Variants in TEAD4 observed in about 807,000 individuals in gnomAD.
TEAD4 encodes the protein transcriptional enhancer factor TEF-3.
Under a neutral mutation model 52.4 loss-of-function variants are expected in TEAD4, and 36 were observed. The ratio of observed to expected loss-of-function variants is 0.69; its 90% confidence interval spans 0.53 to 0.91. TEAD4 has a LOEUF of 0.91. Among genes scored for constraint, TEAD4 ranks in the 40% least tolerant of loss-of-function variants. The pLI, the probability that TEAD4 is intolerant of heterozygous loss-of-function variation, is 0.00. For missense variants in TEAD4, 508 were observed against 583.9 expected (o/e 0.87, Z 1.34); for synonymous variants, 220 against 231.0 (o/e 0.95, Z 0.43).
chr12:2,975,356 CATTATTATT>C (rs58872768), intron 2 of TEAD4, among the ~76,000 whole-genome samples: 3,085 of 148,098 alleles, frequency 0.021, 124 homozygotes, highest in Admixed American at 0.097. Flanking sequence ...AATATCGGCA[CATTATTATT>C]ATTATTATTA....
chr12:2,973,655 A>G (rs1704494824), intron 2 of TEAD4, among the ~76,000 whole-genome samples: 1 of 152,320 alleles, frequency 6.6e-6, no homozygotes, highest in East Asian at 1.9e-4. Flanking sequence ...ATGGTTCAGA[A>G]TGAGAGGCAC....
At chr12:2,976,197 C>T (rs1348530850) in intron 2 of TEAD4, among the ~76,000 whole-genome samples, 2 of 151,900 alleles carry the variant, frequency 1.3e-5, no homozygotes, top group Non-Finnish European at 2.9e-5. Flanking sequence ...GTAGACACAC[C>T]ATTTTGTGTT....
chr12:2,998,947 G>T (rs1329627015), intron 3 of TEAD4, among the ~76,000 whole-genome samples: 1 of 152,264 alleles, frequency 6.6e-6, no homozygotes, highest in Non-Finnish European at 1.5e-5. Flanking sequence ...AGGTTCTGCT[G>T]GGATCCAGAC....
chr12:2,978,587 T>C (rs2098231697), intron 2 of TEAD4, among the ~76,000 whole-genome samples: 1 of 152,092 alleles, frequency 6.6e-6, no homozygotes, highest in African/African-American at 2.4e-5. Flanking sequence ...TATTTTTTAG[T>C]AGAGACAGGT....
rs1329703108 is a variant in TEAD4 at position 2,985,346 on chromosome 12, C to T, written c.-29-9392C>T. Among the ~76,000 whole-genome samples, 4 of 151,632 alleles carry T rather than the reference C, an allele frequency of 2.6e-5. No homozygotes were observed. The East Asian group carries it at 7.9e-4, about 30-fold the overall frequency. On this transcript the variant is annotated intron_variant, in intron 2 of 12. Transcript: ENST00000359864. ...CTTGCAGTGAGCCGAGATTGCGCCA[C>T]TGTACTCCAGCCTGGGTGACAGAGC...
At chr12:2,999,685 C>T (rs542347838) in intron 3 of TEAD4, among the ~76,000 whole-genome samples, 10 of 152,308 alleles carry the variant, frequency 6.6e-5, no homozygotes, top group South Asian at 6.2e-4. Flanking sequence ...GACCCTCCCC[C>T]TGGCACAGCC....
chr12:2,973,648 G>C (rs969296189), intron 2 of TEAD4, among the ~76,000 whole-genome samples: 3 of 152,200 alleles, frequency 2.0e-5, no homozygotes, highest in African/African-American at 7.2e-5. Flanking sequence ...GTAGAGCATG[G>C]TTCAGAATGA....
chr12:3,012,114 C>T, intron 4 of TEAD4, 56 bp from the exon 5 acceptor site: 1 of 1,589,716 alleles, frequency 6.3e-7, no homozygotes, highest in Non-Finnish European at 8.6e-7. Context: ...GGAAGCCAGG[C>T]TGGGGAACAC....
At chr12:2,981,348 G>C (rs1158668643) in intron 2 of TEAD4, among the ~76,000 whole-genome samples, 1 of 152,234 alleles carries the variant, frequency 6.6e-6, no homozygotes, top group Non-Finnish European at 1.5e-5. Context: ...TTGTCTTCCA[G>C]CTCCTGAGTT....
intron 2 of TEAD4, among the ~76,000 whole-genome samples, chr12:2,981,374 C>T (rs755018293): frequency 7.9e-5 from 12 of 152,210 alleles, no homozygotes; most frequent in Non-Finnish European, 7.3e-5. Flanking sequence ...GCTTAGTTAG[C>T]GTGGAAGACA....
At chr12:2,962,344 A>ATTT (rs199615383) in intron 2 of TEAD4, among the ~76,000 whole-genome samples, 14,256 of 117,978 alleles carry the variant, frequency 0.12, 961 homozygotes, top group South Asian at 0.25. Flanking sequence ...ATATATATAT[A>ATTT]TATTTTTTGA....
intron 2 of TEAD4, among the ~76,000 whole-genome samples, chr12:2,972,280 C>A (rs1383082988): frequency 6.6e-6 from 1 of 152,022 alleles, no homozygotes; most frequent in Admixed American, 6.6e-5. Context: ...TAGGATCTCA[C>A]TGTGTTGCCC....
At chr12:3,020,821 C>T (rs1239709487) in intron 9 of TEAD4, 48 bp downstream of exon 9, 2 of 1,492,742 alleles carry the variant, frequency 1.3e-6, no homozygotes, top group African/African-American at 1.4e-5. Context: ...CCCCCTCTCC[C>T]TCTGTTTCTG....
At chr12:2,965,002 T>G (rs2098219104) in intron 2 of TEAD4, among the ~76,000 whole-genome samples, 1 of 151,812 alleles carries the variant, frequency 6.6e-6, no homozygotes, top group Non-Finnish European at 1.5e-5. Context: ...GGTGTAGGAG[T>G]GACCCCAGAA....
chr12:2,993,646 A>T (rs753444397), intron 2 of TEAD4, among the ~76,000 whole-genome samples: 18 of 150,646 alleles, frequency 1.2e-4, no homozygotes, highest in Middle Eastern at 6.9e-3. Flanking sequence ...AATTTTTTTT[A>T]AATTAATTTT....
At chr12:3,032,894 C>T (rs1198809703) in intron 10 of TEAD4, among the ~76,000 whole-genome samples, 1 of 152,216 alleles carries the variant, frequency 6.6e-6, no homozygotes, top group African/African-American at 2.4e-5. Flanking sequence ...TTGCGTCAAT[C>T]GTGGGTCCTC....
intron 2 of TEAD4, among the ~76,000 whole-genome samples, chr12:2,963,002 G>A (rs752795989): frequency 2.4e-4 from 36 of 152,198 alleles, no homozygotes; most frequent in Admixed American, 6.5e-5. Context: ...TTGTCGCTCA[G>A]ATAAGGTTGG....
chr12:3,035,443 C>T (rs941719824), intron 10 of TEAD4, among the ~76,000 whole-genome samples: 1 of 152,202 alleles, frequency 6.6e-6, no homozygotes, highest in Non-Finnish European at 1.5e-5. Flanking sequence ...CAGAATATGT[C>T]CTGAGCACAC....
chr12:3,037,001 G>T lies in TEAD4; in HGVS notation c.898-967G>T, dbSNP rs554407479. Among the ~76,000 whole-genome samples, 5 of 152,286 alleles carry T rather than the reference G, an allele frequency of 3.3e-5. No individual in the cohort carries two copies. The South Asian group carries it at 6.2e-4, about 19-fold the overall frequency. ...CCTCATGGATAAAACCGAGGCCGTG[G>T]TTTTGGGTGTGAGATCAGCACAGAG... On this transcript the variant is annotated intron_variant, in intron 10 of 12. Coordinates refer to ENST00000359864, the MANE Select transcript of TEAD4 (RefSeq NM_003213.4).
Sources: allele counts gnomAD v4.1 joint callset (sites outside exome capture counted in the v4.1 genomes callset), GRCh38; gene constraint gnomAD v4.1.1; transcripts MANE v1.5; gene names NCBI Gene and HGNC (gene_info 2026-07-23, HGNC 2026-07-21).